The following CDS1 variants were observed in gnomAD, a reference collection of about 807,000 sequenced individuals.
CDS1 encodes CDP-diacylglycerol synthase 1, also known as phosphatidate cytidylyltransferase 1.
Under a neutral mutation model 62.1 loss-of-function variants are expected in CDS1, and 41 were observed. The ratio of observed to expected loss-of-function variants is 0.66; its 90% CI spans 0.51 to 0.86. CDS1 has a LOEUF of 0.86. CDS1 is among the 40% of genes least tolerant of loss of function. The pLI is 0.00. For synonymous variants in CDS1, 185 were observed against 192.6 expected, an observed-to-expected ratio of 0.96 and a Z score of 0.32; for missense variants, 470 against 550.1, an observed-to-expected ratio of 0.85 and a Z score of 1.46.
Position 84,650,528 on chromosome 4 carries a change from T to G in CDS1, c.*1842T>G, listed in dbSNP as rs1472143371. 6.6e-6 allele frequency: 1 copy of G among 152,228 alleles called. No individual in the cohort carries two copies. Among genetic ancestry groups the G allele is most frequent in the Non-Finnish European group, 1.5e-5 (1 of 68,034 alleles). The allele number at this position is 152,228 out of a possible 1,614,324, so 9.4% of individuals were successfully genotyped here. ...AATGAAAATTTTATAAGAACTTACA[T>G]TAAAAACTCAGTAGTTTGCATGAGT... On this transcript the variant is annotated 3_prime_UTR_variant, in exon 13 of 13. Coordinates refer to ENST00000295887, the MANE Select transcript of CDS1 (RefSeq NM_001263.4).
chr4:84,647,643 G>GT (rs1048233453), intron 12 of CDS1, among the ~76,000 whole-genome samples: 1 of 152,148 alleles, frequency 6.6e-6, no homozygotes, highest in Admixed American at 6.5e-5. Flanking sequence ...GAGTGTGAAA[G>GT]TTTTTTGGCA....
At chr4:84,624,012 C>T (rs1410898124) in intron 5 of CDS1, among the ~76,000 whole-genome samples, 1 of 151,976 alleles carries the variant, frequency 6.6e-6, no homozygotes, top group African/African-American at 2.4e-5. Context: ...TGGCTCACAC[C>T]TATAATCCCA....
intron 1 of CDS1, among the ~76,000 whole-genome samples, chr4:84,585,494 A>G (rs1020220553): frequency 3.9e-5 from 6 of 152,178 alleles, no homozygotes; most frequent in Admixed American, 2.0e-4. Flanking sequence ...GTCAAGGGCT[A>G]TTTTAAAATC....
chr4:84,633,726 T>A, intron 6 of CDS1, 131 bp from the exon 7 acceptor site: 1 of 429,662 alleles, frequency 2.3e-6, no homozygotes, highest in Non-Finnish European at 4.1e-6. Context: ...GTGTTTTTAT[T>A]TTATATGACT....
At position 84,606,888 on chromosome 4, in the gene CDS1, G is replaced by A. The variant is rs116856347; in HGVS notation, c.245+2518G>A. ...TAGAGACAGGATTTTGCCTTGGCTT[G>A]TGGTCCTTTATTTACCTCTGACTAG... On this transcript the variant is annotated intron_variant, in intron 2 of 12. Coordinates refer to ENST00000295887, the MANE Select transcript of CDS1 (RefSeq NM_001263.4). 3.7e-4 allele frequency among the ~76,000 whole-genome samples: 57 copies of A among 152,196 alleles called. No individual in the cohort carries two copies. In the East Asian group the frequency reaches 0.011, roughly 29 times the overall value.
At chr4:84,596,841 G>T (rs943534694) in intron 1 of CDS1, among the ~76,000 whole-genome samples, 3 of 152,136 alleles carry the variant, frequency 2.0e-5, no homozygotes, top group Non-Finnish European at 4.4e-5. Flanking sequence ...GGCTCAAAGA[G>T]GAAGAGCGTA....
At chr4:84,641,108 C>T (rs976326945) in intron 10 of CDS1, 118 bp downstream of exon 10, 1 of 649,124 alleles carries the variant, frequency 1.5e-6, no homozygotes, top group Non-Finnish European at 2.2e-6. Context: ...CAGAGTTTCC[C>T]TCTGTTGCCC....
chr4:84,609,162 C>A (rs1578029161), intron 2 of CDS1, among the ~76,000 whole-genome samples: 1 of 122,550 alleles, frequency 8.2e-6, no homozygotes, highest in Non-Finnish European at 1.6e-5. Flanking sequence ...CTGGGTGCGA[C>A]AGAGCGAGAC....
At chr4:84,638,414 CTG>C (rs1347434749) in intron 8 of CDS1, among the ~76,000 whole-genome samples, 2 of 152,108 alleles carry the variant, frequency 1.3e-5, no homozygotes, top group East Asian at 3.9e-4. Context: ...AGAAGGAAGT[CTG>C]TGTGTATATA....
At chr4:84,608,589 A>C (rs538646601) in intron 2 of CDS1, among the ~76,000 whole-genome samples, 1 of 152,328 alleles carries the variant, frequency 6.6e-6, no homozygotes, top group African/African-American at 2.4e-5. Flanking sequence ...CCTCTTAGGT[A>C]ACTGGCACCT....
chr4:84,586,779 A>G (rs1159838254), intron 1 of CDS1, among the ~76,000 whole-genome samples: 3 of 152,214 alleles, frequency 2.0e-5, no homozygotes, highest in Non-Finnish European at 4.4e-5. Flanking sequence ...AAGCAAGTTT[A>G]GGTTGAGGAA....
At chr4:84,624,290 A>G (rs1335779663) in intron 5 of CDS1, among the ~76,000 whole-genome samples, 28 of 142,342 alleles carry the variant, frequency 2.0e-4, no homozygotes, top group African/African-American at 7.9e-4. Context: ...AAAAAAACAA[A>G]CAAAAAAAAA....
At chr4:84,638,355 A>G (rs986044293) in intron 8 of CDS1, among the ~76,000 whole-genome samples, 4 of 152,216 alleles carry the variant, frequency 2.6e-5, no homozygotes, top group African/African-American at 7.2e-5. Context: ...GGATATGTCA[A>G]TACTTGAGCA....
chr4:84,626,535 C>T (rs1167710490), intron 5 of CDS1, among the ~76,000 whole-genome samples: 1 of 152,184 alleles, frequency 6.6e-6, no homozygotes, highest in African/African-American at 2.4e-5. Context: ...ACCCTTCTGC[C>T]TCAGACTCCT....
intron 1 of CDS1, among the ~76,000 whole-genome samples, chr4:84,598,150 AAAAG>A (rs1722812720): frequency 2.0e-5 from 3 of 151,644 alleles, no homozygotes; most frequent in Non-Finnish European, 4.4e-5. Context: ...AAGAAAAAGA[AAAAG>A]AAAACCATGA....
intron 5 of CDS1, among the ~76,000 whole-genome samples, chr4:84,628,438 C>G (rs1055376142): frequency 2.6e-5 from 4 of 151,842 alleles, no homozygotes; most frequent in African/African-American, 9.7e-5. Context: ...TTCTGAAATT[C>G]CCTCTGTCTC....
At position 84,599,401 on chromosome 4, in the gene CDS1, C is replaced by T. The variant is rs1026266293; in HGVS notation, c.118-4842C>T. 3.6e-3 allele frequency among the ~76,000 whole-genome samples: 86 copies of T among 23,968 alleles called. 1 individual carries two copies. The highest frequency in any genetic ancestry group is 7.4e-3 in the African/African-American group (73 of 9,838). 15.7% of individuals were successfully genotyped at this position (23,968 alleles called of 152,430 possible). Reference sequence around the variant, plus strand: ...ATAATTTGGCAAATTTTGACACACACACACATATATATATATATATATATA... The same window carrying T: ...ATAATTTGGCAAATTTTGACACACATACACATATATATATATATATATATA... On this transcript the variant is annotated intron_variant, in intron 1 of 12. Transcript: ENST00000295887.
intron 12 of CDS1, among the ~76,000 whole-genome samples, chr4:84,647,878 T>C (rs76511495): frequency 1.8e-3 from 281 of 152,326 alleles, no homozygotes; most frequent in African/African-American, 6.4e-3. Flanking sequence ...CCCACATAAA[T>C]GTCTTTCTTA....
chr4:84,633,834 T>C (rs766157113), intron 6 of CDS1, 23 bp from the exon 7 acceptor site: 2 of 1,539,508 alleles, frequency 1.3e-6, no homozygotes. Context: ...TCACTAATTT[T>C]TGTATTGTTG....
Sources: gnomAD v4.1 joint callset for allele counts (sites outside exome capture counted in the v4.1 genomes callset) on GRCh38, gnomAD v4.1.1 for gene constraint, MANE v1.5 for transcripts, NCBI Gene and HGNC (gene_info 2026-07-23, HGNC 2026-07-21) for gene names.